SS18L1: variants seen among roughly 807,000 people sequenced by gnomAD.
The protein encoded by SS18L1 is SS18L1 subunit of BAF chromatin remodeling complex.
In SS18L1, 32 loss-of-function variants were observed where a neutral mutation model predicts 70.3. The observed-to-expected ratio is 0.46, with a 90% confidence interval of 0.34 to 0.61. The LOEUF (loss-of-function observed/expected upper bound fraction) is 0.61, where lower values mean the gene tolerates loss of function less well. SS18L1 is among the 20% of genes least tolerant of loss of function. The pLI, the probability that SS18L1 is intolerant of heterozygous loss-of-function variation, is 0.01. For synonymous variants in SS18L1, 237 were observed against 229.7 expected (o/e 1.03, Z -0.29); for missense variants, 430 against 542.1 (o/e 0.79, Z 2.05).
chr20:62,158,921 C>T lies in SS18L1; in HGVS notation c.146+173C>T, dbSNP rs755538414. ...CCCCTGCACAGAGGCCAGATATGTC[C>T]CAGGAGTCCCCCAGCACGGAGGTCA... On this transcript the variant is annotated intron_variant, in intron 2 of 10. Coordinates refer to ENST00000331758, the MANE Select transcript of SS18L1 (RefSeq NM_198935.3). The surrounding 1 kb of genome is among the most constrained non-coding windows in gnomAD (Gnocchi z 4.5). The T allele has an allele frequency of 6.3e-7, 1 of 1,595,476 alleles. No individual in the cohort carries two copies. The highest frequency in any genetic ancestry group is 8.5e-7 in the Non-Finnish European group (1 of 1,173,724).
At chr20:62,148,488 C>G (rs1162095884) in intron 1 of SS18L1, among the ~76,000 whole-genome samples, 1 of 149,724 alleles carries the variant, frequency 6.7e-6, no homozygotes, top group Admixed American at 6.6e-5. Flanking sequence ...TCCTTGCTCT[C>G]TTCGGTCAGG....
chr20:62,164,049 C>A (rs187372533), intron 6 of SS18L1, 96 bp from the exon 7 acceptor site: 4 of 1,095,748 alleles, frequency 3.7e-6, no homozygotes, highest in Admixed American at 2.4e-5. Context: ...GTGGGTGAGG[C>A]CATTCAGCAA....
rs1438469699 is a variant in SS18L1, at chr20:62,180,872, G to A, written c.*1664G>A. 1 of 169,840 alleles carries A rather than the reference G, an allele frequency of 5.9e-6. No individual in the cohort carries two copies. The highest frequency in any genetic ancestry group is 1.3e-5 in the Non-Finnish European group (1 of 78,226). The allele number at this position is 169,840 out of a possible 1,614,324, so 10.5% of individuals were successfully genotyped here. On this transcript the variant is annotated 3_prime_UTR_variant, in exon 11 of 11. Transcript: ENST00000331758. Reference sequence around the variant, plus strand: ...ATCGCACCATTGCACCCGAGCCTAGGCAACAAGAGTGAAATTCCGTCTCAA... The same window carrying A: ...ATCGCACCATTGCACCCGAGCCTAGACAACAAGAGTGAAATTCCGTCTCAA...
rs779895699 is a variant in SS18L1 at position 62,164,111 on chromosome 20, GC to G, written c.722-31del. 3.6e-5 allele frequency: 55 copies of G among 1,538,878 alleles called. 2 individuals are homozygous for G. In the South Asian group the frequency reaches 5.9e-4, roughly 16 times the overall value. The stretch of plus-strand genomic sequence containing the variant: ...AGGTCCTCTGAGGGAGGAGGGCGCG[GC>G]CCGCACTGGCGCTGAATGTGGTTCC... On this transcript the variant is annotated intron_variant, in intron 6 of 10. Coordinates refer to ENST00000331758, the MANE Select transcript of SS18L1 (RefSeq NM_198935.3).
At chr20:62,145,960 G>A (rs1241718341) in intron 1 of SS18L1, among the ~76,000 whole-genome samples, 1 of 152,196 alleles carries the variant, frequency 6.6e-6, no homozygotes. Flanking sequence ...GGTAGTGAAG[G>A]AGAAGGAAGT....
intron 4 of SS18L1, chr20:62,162,528 T>A: frequency 2.0e-6 from 1 of 505,792 alleles, no homozygotes; most frequent in Middle Eastern, 5.2e-4. Flanking sequence ...GGTTTCGAAC[T>A]CTTGACTTCA....
chr20:62,148,454 G>C (rs1242790303), intron 1 of SS18L1, among the ~76,000 whole-genome samples: 2 of 143,914 alleles, frequency 1.4e-5, no homozygotes, highest in Non-Finnish European at 3.0e-5. Context: ...CCTCCTTGCT[G>C]TCTTAGGTGA....
At position 62,179,308 on chromosome 20, in the gene SS18L1, G is replaced by A. The variant is rs2057673644; in HGVS notation, c.*100G>A. 3.7e-6 allele frequency: 5 copies of A among 1,357,006 alleles called. No individual in the cohort carries two copies. In the East Asian group the frequency reaches 9.2e-5, roughly 25 times the overall value. The allele number at this position is 1,357,006 out of a possible 1,614,324, so 84.1% of individuals were successfully genotyped here. On this transcript the variant is annotated 3_prime_UTR_variant, in exon 11 of 11. Transcript: ENST00000331758. ...GTGAATTGTGACATGTTGGTTACCT[G>A]TTCGCCCAGTGCCACGTCTGCATGT...
Position 62,179,648 on chromosome 20 carries a change from T to TA in SS18L1, c.*442dup. The stretch of plus-strand genomic sequence containing the variant: ...GTAGTGTGGGTTGTCAACTTTTCTT[T>TA]AACTGGCTACGCCACAGCTGGACAC... On this transcript the variant is annotated 3_prime_UTR_variant, in exon 11 of 11. Transcript: ENST00000331758. The TA allele has an allele frequency of 5.8e-6, 1 of 172,060 alleles. No homozygotes were observed. Among genetic ancestry groups the TA allele is most frequent in the Middle Eastern group, 2.1e-3 (1 of 486 alleles). The allele number at this position is 172,060 out of a possible 1,614,324, so 10.7% of individuals were successfully genotyped here. A position where few individuals can be genotyped will look rare whatever the true frequency, so the allele number is the denominator to read the frequency against.
rs2057382107 is a variant in SS18L1, at chr20:62,164,064, T to C, written c.722-81T>C. ...GTGGGTGAGGCCATTCAGCAAGGCCTTGGCTTCCCCAGTGAGCGAGCAGGT... is the reference window on the plus strand; with the variant it reads ...GTGGGTGAGGCCATTCAGCAAGGCCCTGGCTTCCCCAGTGAGCGAGCAGGT... On this transcript the variant is annotated intron_variant, in intron 6 of 10. Coordinates refer to ENST00000331758, the MANE Select transcript of SS18L1 (RefSeq NM_198935.3). 5.2e-6 allele frequency: 7 copies of C among 1,344,876 alleles called. No homozygotes were observed. The Middle Eastern group carries it at 9.2e-4, about 177-fold the overall frequency. 83.3% of individuals were successfully genotyped at this position (1,344,876 alleles called of 1,614,324 possible).
intron 1 of SS18L1, among the ~76,000 whole-genome samples, chr20:62,148,044 C>G (rs1050344469): frequency 6.6e-6 from 1 of 152,172 alleles, no homozygotes; most frequent in African/African-American, 2.4e-5. Context: ...TTGGGGATGC[C>G]GAGCCTCCCT....
rs2057258905 is a variant in SS18L1 at position 62,158,246 on chromosome 20, G to C, written c.70-426G>C. ...GCTGCTGGGGGCACGGGGCCTCTGT[G>C]TTTTCATTTGTGGGCTTAGATGGCC... is the stretch of plus-strand genomic sequence containing the variant. On this transcript the variant is annotated intron_variant, in intron 1 of 10. Transcript: ENST00000331758. This position sits in a 1 kb window ranked among gnomAD's most constrained non-coding sequence, Gnocchi z 4.5. 6.6e-6 allele frequency among the ~76,000 whole-genome samples: 1 copy of C among 152,128 alleles called. No individual in the cohort carries two copies. Among genetic ancestry groups the C allele is most frequent in the Non-Finnish European group, 1.5e-5 (1 of 68,030 alleles).
At chr20:62,151,847 C>T (rs1451155275) in intron 1 of SS18L1, among the ~76,000 whole-genome samples, 1 of 140,598 alleles carries the variant, frequency 7.1e-6, no homozygotes, top group Non-Finnish European at 1.5e-5. Context: ...CTCCCCCGTT[C>T]CCCTCTTTTC....
rs1357031982 is a variant in SS18L1, at chr20:62,180,081, C to T, written c.*873C>T. 1.4e-5 allele frequency: 3 copies of T among 211,220 alleles called. No homozygotes were observed. The highest frequency in any genetic ancestry group is 6.8e-5 in the African/African-American group (3 of 44,004). The allele number at this position is 211,220 out of a possible 1,614,324, so 13.1% of individuals were successfully genotyped here. A position where few individuals can be genotyped will look rare whatever the true frequency, so the allele number is the denominator to read the frequency against. On this transcript the variant is annotated 3_prime_UTR_variant, in exon 11 of 11. Transcript: ENST00000331758. Reference sequence around the variant, plus strand: ...CTGGGATTGGAATATTTAATAAGCCCAATTCTAAGTTGATAGGTAATTTTA... The same window carrying T: ...CTGGGATTGGAATATTTAATAAGCCTAATTCTAAGTTGATAGGTAATTTTA...
chr20:62,176,339 A>G (rs928726299), intron 10 of SS18L1, among the ~76,000 whole-genome samples: 1 of 151,894 alleles, frequency 6.6e-6, no homozygotes, highest in African/African-American at 2.4e-5. Context: ...GTAACATAGC[A>G]AGACCTGTCT....
At chr20:62,152,822 A>G (rs1386826373) in intron 1 of SS18L1, among the ~76,000 whole-genome samples, 1 of 152,198 alleles carries the variant, frequency 6.6e-6, no homozygotes, top group African/African-American at 2.4e-5. Flanking sequence ...ACAGACACAT[A>G]AGAAACTACG....
chr20:62,160,602 T>C (rs1300817390), intron 3 of SS18L1, among the ~76,000 whole-genome samples: 1 of 152,224 alleles, frequency 6.6e-6, no homozygotes, highest in Non-Finnish European at 1.5e-5. Context: ...CAAGATTAAA[T>C]TGTCACAGTG....
At position 62,181,232 on chromosome 20, in the gene SS18L1, C is replaced by T. The variant is rs1336984349; in HGVS notation, c.*2024C>T. 6 of 202,232 alleles carry T rather than the reference C, an allele frequency of 3.0e-5. No individual in the cohort carries two copies. Among genetic ancestry groups the T allele is most frequent in the Non-Finnish European group, 6.1e-5 (6 of 98,292 alleles). The allele number at this position is 202,232 out of a possible 1,614,324, so 12.5% of individuals were successfully genotyped here. On this transcript the variant is annotated 3_prime_UTR_variant, in exon 11 of 11. Coordinates refer to ENST00000331758, the MANE Select transcript of SS18L1 (RefSeq NM_198935.3). ...ACACTGGTAAGGGCTCAAAAATAAACGTATGTGTTCATATTCGATCACCGA... is the reference window on the plus strand; with the variant it reads ...ACACTGGTAAGGGCTCAAAAATAAATGTATGTGTTCATATTCGATCACCGA...
chr20:62,174,663 T>C lies in SS18L1; in HGVS notation c.1164+19T>C. The C allele has an allele frequency of 6.2e-7, 1 of 1,613,276 alleles. No homozygotes were observed. The highest frequency in any genetic ancestry group is 8.5e-7 in the Non-Finnish European group (1 of 1,179,998). ...TGAACAGGCAAGCTTTCTGGATGTT[T>C]CCAGATGTGCCCATCCGCCGCGCCT... On this transcript the variant is annotated intron_variant, in intron 10 of 10. Transcript: ENST00000331758. The surrounding 1 kb of genome is among the most constrained non-coding windows in gnomAD (Gnocchi z 4.1).
Sources: allele counts gnomAD v4.1 joint callset (sites outside exome capture counted in the v4.1 genomes callset), GRCh38; gene constraint gnomAD v4.1.1; non-coding constraint Gnocchi (gnomAD v3.1); transcripts MANE v1.5; gene names NCBI Gene and HGNC (gene_info 2026-07-23, HGNC 2026-07-21).